ZHX2: variants seen among roughly 807,000 people sequenced by gnomAD.
The protein encoded by ZHX2 is zinc fingers and homeoboxes 2.
ZHX2 carries 6 observed loss-of-function variants against 21.9 expected under a neutral mutation model. That is an observed-to-expected ratio of 0.27 (90% CI 0.15 to 0.54). The LOEUF is 0.54. ZHX2 is among the 20% of genes least tolerant of loss of function. ZHX2 has a pLI of 0.95. For missense variants in ZHX2, 908 were observed against 1,090.7 expected (o/e 0.83, Z 2.36); for synonymous variants, 434 against 437.1 (o/e 0.99, Z 0.09).
At chr8:122,834,510 G>A (rs1818454166) in intron 1 of ZHX2, among the ~76,000 whole-genome samples, 1 of 152,250 alleles carries the variant, frequency 6.6e-6, no homozygotes, top group Non-Finnish European at 1.5e-5. Flanking sequence ...CTATGGCCCC[G>A]TGGGCCTGCA....
intron 3 of ZHX2, among the ~76,000 whole-genome samples, chr8:122,958,388 G>T (rs1024961570): frequency 6.6e-6 from 1 of 152,234 alleles, no homozygotes; most frequent in East Asian, 1.9e-4. Context: ...TCAGAAAAAT[G>T]AGTCAACGTA....
At position 122,822,367 on chromosome 8, in the gene ZHX2, C is replaced by G. The variant is rs531693568; in HGVS notation, c.-283+40421C>G. ...GGGACCTGAGAGAGCATTTTATCAA[C>G]CCCCTTCCTTCAAAACTGAGGCCCA... is the stretch of plus-strand genomic sequence containing the variant. On this transcript the variant is annotated intron_variant, in intron 1 of 3. Transcript: ENST00000314393. Among the ~76,000 whole-genome samples, 4 of 152,224 alleles carry G rather than the reference C, an allele frequency of 2.6e-5. No individual in the cohort carries two copies. The East Asian group carries it at 7.7e-4, about 29-fold the overall frequency.
chr8:122,897,960 G>T (rs1343726151), intron 2 of ZHX2, among the ~76,000 whole-genome samples: 1 of 152,208 alleles, frequency 6.6e-6, no homozygotes, highest in East Asian at 1.9e-4. Flanking sequence ...CAAAATTCAT[G>T]AAGAGAAATC....
At chr8:122,911,428 T>C (rs1820478410) in intron 2 of ZHX2, among the ~76,000 whole-genome samples, 1 of 151,850 alleles carries the variant, frequency 6.6e-6, no homozygotes, top group Non-Finnish European at 1.5e-5. Flanking sequence ...CTTCCCCTTC[T>C]CTCCTCCCCT....
At chr8:122,948,183 T>A (rs1201205897) in intron 2 of ZHX2, among the ~76,000 whole-genome samples, 2 of 152,152 alleles carry the variant, frequency 1.3e-5, no homozygotes, top group African/African-American at 4.8e-5. Context: ...CAGAGTTGTT[T>A]GTGAAAATAA....
intron 2 of ZHX2, among the ~76,000 whole-genome samples, chr8:122,938,844 A>AT (rs1812770236): frequency 6.6e-6 from 1 of 152,188 alleles, no homozygotes; most frequent in Non-Finnish European, 1.5e-5. Flanking sequence ...TCAAAAAAAA[A>AT]GAAAAAGAAG....
At chr8:122,802,879 T>C (rs1289588646) in intron 1 of ZHX2, among the ~76,000 whole-genome samples, 2 of 152,064 alleles carry the variant, frequency 1.3e-5, no homozygotes, top group Non-Finnish European at 2.9e-5. Context: ...GGGAAGTCAC[T>C]TTTTCCAGGG....
chr8:122,833,975 C>T (rs904626560), intron 1 of ZHX2, among the ~76,000 whole-genome samples: 2 of 147,192 alleles, frequency 1.4e-5, no homozygotes, highest in Non-Finnish European at 3.0e-5. Context: ...CCAGCCTGGG[C>T]GACAGAGCAA....
intron 2 of ZHX2, among the ~76,000 whole-genome samples, chr8:122,940,912 G>T (rs897089162): frequency 5.3e-5 from 8 of 152,114 alleles, no homozygotes; most frequent in African/African-American, 1.9e-4. Context: ...ACAGCCATCA[G>T]TTGGTGTTCT....
intron 2 of ZHX2, among the ~76,000 whole-genome samples, chr8:122,950,955 A>G (rs1012714793): frequency 2.6e-5 from 4 of 152,100 alleles, no homozygotes; most frequent in African/African-American, 9.7e-5. Context: ...ACCATATCTA[A>G]AAGTGGCTTG....
chr8:122,914,517 G>T (rs1820552975), intron 2 of ZHX2, among the ~76,000 whole-genome samples: 1 of 152,188 alleles, frequency 6.6e-6, no homozygotes, highest in African/African-American at 2.4e-5. Context: ...ACCCGGTGCT[G>T]CCAGAACAAA....
intron 2 of ZHX2, among the ~76,000 whole-genome samples, chr8:122,883,840 G>A (rs1467016180): frequency 6.6e-6 from 1 of 152,208 alleles, no homozygotes; most frequent in Non-Finnish European, 1.5e-5. Context: ...AGGTGTGGAC[G>A]GGTTTGGCTC....
At chr8:122,955,839 A>ATTTTTTTTTTTTT (rs540333833) in intron 3 of ZHX2, among the ~76,000 whole-genome samples, 2 of 104,924 alleles carry the variant, frequency 1.9e-5, no homozygotes, top group Non-Finnish European at 1.8e-5. Context: ...TGAGGGAGTG[A>ATTTTTTTTTTTTT]TTTTTTTTTT....
chr8:122,845,291 G>A (rs765712124), intron 1 of ZHX2, among the ~76,000 whole-genome samples: 5 of 152,180 alleles, frequency 3.3e-5, no homozygotes, highest in Non-Finnish European at 4.4e-5. Flanking sequence ...GTTAACTGCC[G>A]CTATTGAAAA....
At chr8:122,902,255 A>G (rs571876761) in intron 2 of ZHX2, among the ~76,000 whole-genome samples, 66 of 152,338 alleles carry the variant, frequency 4.3e-4, no homozygotes, top group Non-Finnish European at 8.5e-4. Flanking sequence ...TACAAAAATG[A>G]GTAAGATTGA....
chr8:122,961,878 T>C (rs1813459375), intron 3 of ZHX2, among the ~76,000 whole-genome samples: 1 of 152,186 alleles, frequency 6.6e-6, no homozygotes, highest in African/African-American at 2.4e-5. Flanking sequence ...TACCAATAGA[T>C]ACTGCATCTC....
At chr8:122,820,635 G>A (rs182370048) in intron 1 of ZHX2, among the ~76,000 whole-genome samples, 1 of 152,250 alleles carries the variant, frequency 6.6e-6, no homozygotes, top group African/African-American at 2.4e-5. Context: ...CCAGACGACG[G>A]GGCTGAGAGA....
chr8:122,896,269 G>A (rs1432067937), intron 2 of ZHX2, among the ~76,000 whole-genome samples: 1 of 147,412 alleles, frequency 6.8e-6, no homozygotes, highest in Non-Finnish European at 1.5e-5. Context: ...TAAAAGGGAT[G>A]AGCTCTTCTC....
intron 2 of ZHX2, among the ~76,000 whole-genome samples, chr8:122,936,370 T>C (rs1262515809): frequency 6.6e-6 from 1 of 152,228 alleles, no homozygotes; most frequent in Non-Finnish European, 1.5e-5. Flanking sequence ...TTACTTTTCT[T>C]GATTGGCAAG....
Sources: gnomAD v4.1 joint callset for allele counts (sites outside exome capture counted in the v4.1 genomes callset) on GRCh38, gnomAD v4.1.1 for gene constraint, MANE v1.5 for transcripts, NCBI Gene and HGNC (gene_info 2026-07-23, HGNC 2026-07-21) for gene names.